Variants in CAMK1D observed in about 807,000 individuals in gnomAD.
CAMK1D encodes calcium/calmodulin dependent protein kinase ID, also known as calcium/calmodulin-dependent protein kinase type 1D.
In CAMK1D, 9 loss-of-function variants were observed where a neutral mutation model predicts 47.7. That is an observed-to-expected ratio of 0.19 (90% CI 0.11 to 0.33). CAMK1D has a LOEUF of 0.33. CAMK1D is among the 10% of genes least tolerant of loss of function. The pLI is 1.00. For synonymous variants in CAMK1D, 184 were observed against 184.9 expected (o/e 0.99, Z 0.04); for missense variants, 291 against 488.7 (o/e 0.60, Z 3.81).
Position 12,443,439 on chromosome 10 carries a change from C to T in CAMK1D, c.92+93529C>T, listed in dbSNP as rs117935289. 9.2e-4 allele frequency among the ~76,000 whole-genome samples: 139 copies of T among 151,644 alleles called. No homozygotes were observed. The East Asian group carries it at 0.019, about 20-fold the overall frequency. On this transcript the variant is annotated intron_variant, in intron 1 of 10. Coordinates refer to ENST00000619168, the MANE Select transcript of CAMK1D (RefSeq NM_153498.4). ...GAAGGCACGAACCATGTGTTGTGCTCGTATAGTCGTGTTACAGGAAAGGGG... is the reference window on the plus strand; with the variant it reads ...GAAGGCACGAACCATGTGTTGTGCTTGTATAGTCGTGTTACAGGAAAGGGG...
intron 3 of CAMK1D, among the ~76,000 whole-genome samples, chr10:12,702,692 T>C (rs1833572370): frequency 6.6e-6 from 1 of 152,238 alleles, no homozygotes; most frequent in Non-Finnish European, 1.5e-5. Flanking sequence ...CAGAGGCACA[T>C]ATGTTGCTTA....
chr10:12,451,974 G>A (rs574270736), intron 1 of CAMK1D, among the ~76,000 whole-genome samples: 4 of 152,278 alleles, frequency 2.6e-5, no homozygotes, highest in East Asian at 1.9e-4. Context: ...GCTGGGGGCC[G>A]CCTCCTTTTC....
intron 3 of CAMK1D, among the ~76,000 whole-genome samples, chr10:12,678,056 G>GCCAGTCTTA (rs1564486008): frequency 6.6e-6 from 1 of 151,902 alleles, no homozygotes. Flanking sequence ...ATAATCTGGA[G>GCCAGTCTTA]CCAGTCTTAC....
At chr10:12,699,405 G>C (rs1350114659) in intron 3 of CAMK1D, among the ~76,000 whole-genome samples, 1 of 152,084 alleles carries the variant, frequency 6.6e-6, no homozygotes, top group Non-Finnish European at 1.5e-5. Context: ...TTTGTTTCCT[G>C]TTACAGTTCT....
intron 10 of CAMK1D, among the ~76,000 whole-genome samples, chr10:12,827,200 C>G (rs976524105): frequency 9.3e-5 from 14 of 149,900 alleles, no homozygotes; most frequent in African/African-American, 3.4e-4. Context: ...TTTTCCCTCC[C>G]TGCCTCCCTC....
At chr10:12,498,521 T>C (rs1183514846) in intron 1 of CAMK1D, among the ~76,000 whole-genome samples, 2 of 152,192 alleles carry the variant, frequency 1.3e-5, no homozygotes, top group Middle Eastern at 3.4e-3. Context: ...CACTGATGTG[T>C]TTGATTTTCA....
intron 1 of CAMK1D, among the ~76,000 whole-genome samples, chr10:12,440,368 T>A (rs1173236738): frequency 6.6e-6 from 1 of 151,306 alleles, no homozygotes; most frequent in African/African-American, 2.4e-5. Context: ...CACTACAGCC[T>A]CCGCCTTCCG....
intron 3 of CAMK1D, among the ~76,000 whole-genome samples, chr10:12,670,512 A>G (rs903370646): frequency 2.0e-5 from 3 of 151,240 alleles, no homozygotes; most frequent in Non-Finnish European, 2.9e-5. Flanking sequence ...TGGAAATCTG[A>G]TTTACATACT....
intron 2 of CAMK1D, among the ~76,000 whole-genome samples, chr10:12,557,816 C>A (rs1288023131): frequency 1.3e-5 from 2 of 152,270 alleles, no homozygotes; most frequent in East Asian, 1.9e-4. Flanking sequence ...GACTGCTAAG[C>A]CGGCCCATTG....
At chr10:12,642,493 A>C (rs572433084) in intron 2 of CAMK1D, among the ~76,000 whole-genome samples, 1 of 152,262 alleles carries the variant, frequency 6.6e-6, no homozygotes, top group African/African-American at 2.4e-5. Context: ...ATAAACCCAA[A>C]AGGAAATTTC....
rs541072857 is a variant in CAMK1D, at chr10:12,590,705, C to T, written c.224+37349C>T. ...TCTAACTGGGCAGACGTAAAGCTGC[C>T]GCCTGTAGAATAAAAGAGCCATCCA... On this transcript the variant is annotated intron_variant, in intron 2 of 10. Coordinates refer to ENST00000619168, the MANE Select transcript of CAMK1D (RefSeq NM_153498.4). Among the ~76,000 whole-genome samples, 7 of 152,206 alleles carry T rather than the reference C, an allele frequency of 4.6e-5. No homozygotes were observed. In the East Asian group the frequency reaches 9.6e-4, roughly 21 times the overall value.
At chr10:12,512,020 C>G (rs531374161) in intron 1 of CAMK1D, among the ~76,000 whole-genome samples, 10 of 152,246 alleles carry the variant, frequency 6.6e-5, no homozygotes, top group African/African-American at 2.4e-4. Flanking sequence ...CTGGTGTTCC[C>G]CATAGAGTTG....
chr10:12,704,940 T>C (rs1296328365), intron 3 of CAMK1D, among the ~76,000 whole-genome samples: 5 of 152,320 alleles, frequency 3.3e-5, no homozygotes, highest in East Asian at 1.9e-4. Context: ...GTAAATATCA[T>C]TGGGCAGAAT....
intron 3 of CAMK1D, among the ~76,000 whole-genome samples, chr10:12,702,767 G>T (rs1833575058): frequency 6.6e-6 from 1 of 152,198 alleles, no homozygotes; most frequent in Admixed American, 6.5e-5. Context: ...GCTGGGGAGA[G>T]AGAGGTAAAG....
chr10:12,504,311 GA>G (rs998016821), intron 1 of CAMK1D, among the ~76,000 whole-genome samples: 33 of 152,012 alleles, frequency 2.2e-4, no homozygotes, highest in Non-Finnish European at 4.6e-4. Context: ...TCCAAGTCCG[GA>G]GGCCGGAGAA....
chr10:12,685,540 G>A (rs900934342), intron 3 of CAMK1D, among the ~76,000 whole-genome samples: 2 of 152,176 alleles, frequency 1.3e-5, no homozygotes, highest in Non-Finnish European at 2.9e-5. Flanking sequence ...TAAGAAGTAC[G>A]ACTTGCTTAG....
At chr10:12,401,326 T>TTA (rs1318747611) in intron 1 of CAMK1D, among the ~76,000 whole-genome samples, 1 of 104,672 alleles carries the variant, frequency 9.6e-6, no homozygotes, top group South Asian at 2.6e-4. Flanking sequence ...TGTATATATT[T>TTA]TATATATATA....
chr10:12,603,550 C>G (rs2132394250), intron 2 of CAMK1D, among the ~76,000 whole-genome samples: 1 of 152,304 alleles, frequency 6.6e-6, no homozygotes, highest in South Asian at 2.1e-4. Context: ...TTCCTCCAGT[C>G]CATCCTGTGC....
At chr10:12,602,092 C>G (rs1397914922) in intron 2 of CAMK1D, among the ~76,000 whole-genome samples, 1 of 152,240 alleles carries the variant, frequency 6.6e-6, no homozygotes, top group African/African-American at 2.4e-5. Flanking sequence ...GTTTGCCTTC[C>G]TCATACTCCC....
Sources: gnomAD v4.1 joint callset for allele counts (sites outside exome capture counted in the v4.1 genomes callset) on GRCh38, gnomAD v4.1.1 for gene constraint, MANE v1.5 for transcripts, NCBI Gene and HGNC (gene_info 2026-07-23, HGNC 2026-07-21) for gene names.